DPPA4: variants seen among roughly 807,000 people sequenced by gnomAD.
DPPA4 encodes developmental pluripotency associated 4.
DPPA4 carries 22 observed loss-of-function variants against 33.7 expected under a neutral mutation model. The observed-to-expected ratio is 0.65, with a 90% CI of 0.47 to 0.93. The LOEUF (loss-of-function observed/expected upper bound fraction) is 0.93. Ranked by LOEUF, DPPA4 falls within the 40% of genes least tolerant of loss-of-function variation. DPPA4 has a pLI of 0.00. For synonymous variants in DPPA4, 156 were observed against 132.3 expected (o/e 1.18, Z -1.23); for missense variants, 340 against 358.6 (o/e 0.95, Z 0.42).
chr3:109,336,655 C>G (rs975382871), intron 1 of DPPA4, among the ~76,000 whole-genome samples: 1 of 152,302 alleles, frequency 6.6e-6, no homozygotes, highest in East Asian at 1.9e-4. Context: ...TCTCCTGTTA[C>G]CATTTCCCTC....
chr3:109,329,171 T>A, intron 5 of DPPA4, 83 bp from the exon 6 acceptor site: 1 of 1,189,318 alleles, frequency 8.4e-7, no homozygotes, highest in Non-Finnish European at 1.2e-6. Flanking sequence ...CCCATCACCC[T>A]TGATTGACCA....
upstream of DPPA4, among the ~76,000 whole-genome samples, chr3:109,339,281 G>A (rs1207074021): frequency 6.6e-6 from 1 of 152,156 alleles, no homozygotes; most frequent in African/African-American, 2.4e-5. Context: ...GGCTTTAGCA[G>A]CTAGCCAGAC....
At chr3:109,329,200 T>C in intron 5 of DPPA4, 112 bp from the exon 6 acceptor site, 1 of 918,040 alleles carries the variant, frequency 1.1e-6, no homozygotes, top group Non-Finnish European at 1.7e-6. Context: ...ATGTGAACCC[T>C]GAAATCCTAA....
intron 1 of DPPA4, among the ~76,000 whole-genome samples, chr3:109,337,230 A>T (rs1335197892): frequency 4.1e-5 from 6 of 147,520 alleles, no homozygotes; most frequent in Non-Finnish European, 7.5e-5. Context: ...CTTTTGACAC[A>T]CTCAACCTCC....
Position 109,330,631 on chromosome 3 carries a change from G to A in DPPA4, c.572C>T (p.Thr191Ile), listed in dbSNP as rs978574038. The A allele has an allele frequency of 6.2e-7, 1 of 1,614,176 alleles. No homozygotes were observed. Reference sequence around the variant, plus strand: ...TGGGGCAGAAGTTGTCACCACAACTGTATTAACTCCCTCAAGGAGAGCAGT... The same window carrying A: ...TGGGGCAGAAGTTGTCACCACAACTATATTAACTCCCTCAAGGAGAGCAGT... ...NSTALLEGVNTVVVTTSAPEA... is the reference protein window; with the variant it reads ...NSTALLEGVNIVVVTTSAPEA... The change falls in exon 5 of 7, where the codon ACA becomes ATA. Residue 191 changes from threonine to isoleucine, a missense_variant. Thr to Ile is a moderately conservative substitution (Grantham distance 89, BLOSUM62 -1). This residue lies in a region of DPPA4 where 212 missense variants were observed against 206.5 expected (regional missense o/e 1.03). Coordinates refer to ENST00000335658, the MANE Select transcript of DPPA4 (RefSeq NM_018189.4).
At position 109,328,913 on chromosome 3, in the gene DPPA4, C is replaced by T. The variant is rs750217848; in HGVS notation, c.855G>A (p.Met285Ile). 49 of 1,613,806 alleles carry T rather than the reference C, an allele frequency of 3.0e-5. No individual in the cohort carries two copies. The highest frequency in any genetic ancestry group is 2.7e-5 in the Non-Finnish European group (32 of 1,179,914). The change falls in exon 6 of 7, where the codon ATG becomes ATA. Residue 285 changes from methionine to isoleucine, a missense_variant. By Grantham distance (10) the Met-to-Ile change is conservative. Around this residue, in one of 3 missense-constraint regions of DPPA4, gnomAD observed 212 missense variants for 206.5 expected, o/e 1.03. Coordinates refer to ENST00000335658, the MANE Select transcript of DPPA4 (RefSeq NM_018189.4). ...ACCTGTGAACACATTTGGGGCACAACATATTGTCTTCAAGGTGCGGGGGTG... is the reference window on the plus strand; with the variant it reads ...ACCTGTGAACACATTTGGGGCACAATATATTGTCTTCAAGGTGCGGGGGTG... Reference protein sequence around the residue: ...NFPPPHLEDNMLCPKCVHRNK... With the variant: ...NFPPPHLEDNILCPKCVHRNK...
At chr3:109,337,575 T>G, upstream of DPPA4, 2 of 1,535,058 alleles carry the variant, frequency 1.3e-6, no homozygotes, top group Non-Finnish European at 1.8e-6. Context: ...TCCCACTTCC[T>G]GCCGCCCGAA....
chr3:109,330,215 T>G (rs1361350776), intron 5 of DPPA4: 1 of 337,538 alleles, frequency 3.0e-6, no homozygotes, highest in Non-Finnish European at 5.6e-6. Context: ...GGCAGGAGAA[T>G]TGCTTGAACC....
chr3:109,330,495 C>T, intron 5 of DPPA4, 29 bp downstream of exon 5: 1 of 1,611,814 alleles, frequency 6.2e-7, no homozygotes, highest in African/African-American at 1.3e-5. Context: ...CCCCATTGGA[C>T]CAGAATAAGC....
In DPPA4 at chr3:109,331,775, C is replaced by T; in HGVS notation, c.349G>A (p.Ala117Thr). ...KLSSKGQKLD[A>T]YKRLCAFAYP... ...GCAAAGGCACACAGGCGCTTATATG[C>T]ATCCAATTTCTAAGACAATAGAAAA... Residue 117 changes from alanine to threonine, a missense_variant, in exon 4 of 7, where the codon GCA becomes ACA. Coordinates refer to ENST00000335658, the MANE Select transcript of DPPA4 (RefSeq NM_018189.4). 1 of 1,614,034 alleles carries T rather than the reference C, an allele frequency of 6.2e-7. No homozygotes were observed. The highest frequency in any genetic ancestry group is 1.1e-5 in the South Asian group (1 of 91,074).
intron 6 of DPPA4, among the ~76,000 whole-genome samples, chr3:109,328,653 T>C (rs527809938): frequency 6.6e-6 from 1 of 152,268 alleles, no homozygotes; most frequent in Non-Finnish European, 1.5e-5. Flanking sequence ...ATAGTAATTA[T>C]ATAATGTTTG....
intron 2 of DPPA4, 37 bp downstream of exon 2, chr3:109,333,833 C>A: frequency 6.2e-7 from 1 of 1,607,918 alleles, no homozygotes; most frequent in South Asian, 1.1e-5. Context: ...TTCTAAGACC[C>A]GAGAAGGTGG....
At chr3:109,331,018 C>G (rs151302819) in intron 4 of DPPA4, among the ~76,000 whole-genome samples, 56 of 152,166 alleles carry the variant, frequency 3.7e-4, no homozygotes, top group African/African-American at 1.2e-3. Context: ...TGGCTCAGGT[C>G]TGTAATCCCA....
intron 1 of DPPA4, among the ~76,000 whole-genome samples, chr3:109,334,570 T>C (rs1270921142): frequency 6.6e-6 from 1 of 152,052 alleles, no homozygotes; most frequent in Non-Finnish European, 1.5e-5. Context: ...CTTACTATAT[T>C]CCATCATCTC....
upstream of DPPA4, chr3:109,337,651 G>C (rs1708242389): frequency 1.3e-6 from 1 of 746,460 alleles, no homozygotes; most frequent in African/African-American, 1.8e-5. Flanking sequence ...CCCACAATTT[G>C]TAAATGCTAA....
intron 2 of DPPA4, among the ~76,000 whole-genome samples, chr3:109,332,794 A>T (rs1434999417): frequency 6.6e-6 from 1 of 152,154 alleles, no homozygotes; most frequent in Non-Finnish European, 1.5e-5. Flanking sequence ...CCTTGTCTTC[A>T]TTCAGTAAAG....
intron 1 of DPPA4, among the ~76,000 whole-genome samples, chr3:109,334,599 T>C (rs541189120): frequency 1.3e-5 from 2 of 152,204 alleles, no homozygotes; most frequent in South Asian, 2.1e-4. Context: ...CAGAATTTTT[T>C]CCCCCAGTCC....
chr3:109,338,845 A>G (rs531597797), upstream of DPPA4, among the ~76,000 whole-genome samples: 3 of 152,334 alleles, frequency 2.0e-5, no homozygotes, highest in African/African-American at 7.2e-5. Flanking sequence ...TATAAAGTGT[A>G]TAACTGAATC....
chr3:109,337,199 C>CT (rs1708232265), intron 1 of DPPA4, among the ~76,000 whole-genome samples: 1 of 149,774 alleles, frequency 6.7e-6, no homozygotes, highest in Non-Finnish European at 1.5e-5. Context: ...CGCGCCCGGC[C>CT]TCTTTTTTTT....
Sources: allele counts gnomAD v4.1 joint callset (sites outside exome capture counted in the v4.1 genomes callset), GRCh38; gene constraint gnomAD v4.1.1; regional missense constraint gnomAD v4.1.1; transcripts MANE v1.5; gene names NCBI Gene and HGNC (gene_info 2026-07-23, HGNC 2026-07-21).